DCTN4: variants seen among roughly 807,000 people sequenced by gnomAD.
DCTN4 encodes dynactin 4 (p62).
In DCTN4, 23 loss-of-function variants were observed where a neutral mutation model predicts 62.7. That is an observed-to-expected ratio of 0.37 (90% CI 0.26 to 0.52). The LOEUF (loss-of-function observed/expected upper bound fraction) is 0.52, where lower values mean the gene tolerates loss of function less well. DCTN4 is among the 20% of genes least tolerant of loss of function. DCTN4 has a pLI of 0.92. For missense variants in DCTN4, 514 were observed against 580.4 expected, an observed-to-expected ratio of 0.89 and a Z score of 1.18; for synonymous variants, 199 against 202.1, an observed-to-expected ratio of 0.98 and a Z score of 0.13.
Position 150,730,736 on chromosome 5 carries a change from T to A in DCTN4, c.729A>T (p.Thr243=), listed in dbSNP as rs577651572. The change falls in exon 8 of 13, where the codon ACA becomes ACT. Residue 243 remains threonine, a synonymous_variant. Transcript: ENST00000447998. ...YTRPVNLTEV[T]TLQQRLLQPD... ...GCTGTAACAGACGCTGCTGAAGGGT[T>A]GTTACTAGAAAGAAAGGCAGAAAAC... 2.5e-6 allele frequency: 4 copies of A among 1,613,844 alleles called. No homozygotes were observed. In the South Asian group the frequency reaches 4.4e-5, roughly 18 times the overall value.
intron 3 of DCTN4, among the ~76,000 whole-genome samples, chr5:150,745,735 G>A (rs1455626372): frequency 3.9e-5 from 6 of 152,070 alleles, no homozygotes; most frequent in Non-Finnish European, 5.9e-5. Flanking sequence ...GATGTTCTTT[G>A]AAACCAACGA....
At chr5:150,716,917 CAAA>C (rs111440383) in intron 11 of DCTN4, among the ~76,000 whole-genome samples, 1 of 115,278 alleles carries the variant, frequency 8.7e-6, no homozygotes. Flanking sequence ...GATTCCGTCT[CAAA>C]AAAAAAAAAG....
intron 5 of DCTN4, 95 bp from the exon 6 acceptor site, chr5:150,731,584 CAG>C (rs902744787): frequency 1.0e-6 from 1 of 973,784 alleles, no homozygotes; most frequent in Non-Finnish European, 1.5e-6. Flanking sequence ...ATGAGAAGCT[CAG>C]GGAAATAAGC....
At chr5:150,757,229 GATTAATA>G (rs1262567962) in intron 1 of DCTN4, among the ~76,000 whole-genome samples, 1 of 152,146 alleles carries the variant, frequency 6.6e-6, no homozygotes, top group African/African-American at 2.4e-5. Flanking sequence ...AATTTGAAAA[GATTAATA>G]AAGTTGTTGC....
intron 2 of DCTN4, among the ~76,000 whole-genome samples, chr5:150,753,884 G>A (rs1272653463): frequency 6.6e-6 from 1 of 152,164 alleles, no homozygotes; most frequent in Non-Finnish European, 1.5e-5. Flanking sequence ...ACTCCACAGA[G>A]AGAACCATTG....
chr5:150,756,562 G>A, intron 1 of DCTN4, 75 bp from the exon 2 acceptor site: 1 of 915,610 alleles, frequency 1.1e-6, no homozygotes, highest in African/African-American at 1.7e-5. Flanking sequence ...TTGTCAAATA[G>A]TGAATTTTAA....
intron 1 of DCTN4, chr5:150,758,337 T>G: frequency 1.0e-6 from 1 of 986,388 alleles, no homozygotes; most frequent in Non-Finnish European, 1.2e-6. Context: ...GCTTTTCACA[T>G]AACTCACGCC....
chr5:150,745,127 C>A (rs1760913146), intron 3 of DCTN4, among the ~76,000 whole-genome samples: 1 of 150,350 alleles, frequency 6.7e-6, no homozygotes, highest in African/African-American at 2.5e-5. Flanking sequence ...CAAAAAAAGG[C>A]AGGGGTTGCA....
chr5:150,748,789 G>C (rs1365133224), intron 3 of DCTN4, among the ~76,000 whole-genome samples: 1 of 119,804 alleles, frequency 8.3e-6, no homozygotes, highest in African/African-American at 3.0e-5. Context: ...GACTGTTGTG[G>C]GGTGGGGGGA....
intron 8 of DCTN4, among the ~76,000 whole-genome samples, chr5:150,725,168 A>AG (rs1422149639): frequency 6.6e-6 from 1 of 151,364 alleles, no homozygotes; most frequent in Non-Finnish European, 1.5e-5. Flanking sequence ...AAAAAAAAAA[A>AG]AAAAAAAAAA....
At chr5:150,735,364 A>G (rs1466330449) in intron 4 of DCTN4, among the ~76,000 whole-genome samples, 3 of 152,228 alleles carry the variant, frequency 2.0e-5, no homozygotes, top group African/African-American at 7.2e-5. Flanking sequence ...AGCATTAAAG[A>G]AAACTAGCAT....
chr5:150,711,231 G>A lies in DCTN4; in HGVS notation c.1301C>T (p.Pro434Leu). ...DFKNLAAPIR[P>L]IEESDQGTEV... ...TGTTCCCTGGTCACTTTCTTCAATG[G>A]GGCGAATGGGGGCTGCCAGGTTTTT... Residue 434 changes from proline (P) to leucine (L), a missense_variant, in exon 13 of 13, where the codon CCC becomes CTC. By Grantham distance (98) the Pro-to-Leu change is moderately conservative (BLOSUM62 -3). Coordinates refer to ENST00000447998, the MANE Select transcript of DCTN4 (RefSeq NM_016221.4). 1 of 1,612,970 alleles carries A rather than the reference G, an allele frequency of 6.2e-7. No individual in the cohort carries two copies. Among genetic ancestry groups the A allele is most frequent in the African/African-American group, 1.3e-5 (1 of 74,982 alleles).
At chr5:150,726,857 A>G (rs1760163632) in intron 8 of DCTN4, among the ~76,000 whole-genome samples, 1 of 152,216 alleles carries the variant, frequency 6.6e-6, no homozygotes, top group Non-Finnish European at 1.5e-5. Context: ...TGTCAAAATC[A>G]TGGTTTTGTA....
chr5:150,745,744 G>A (rs1174408365), intron 3 of DCTN4, among the ~76,000 whole-genome samples: 16 of 151,878 alleles, frequency 1.1e-4, no homozygotes, highest in Non-Finnish European at 2.2e-4. Context: ...TGAAACCAAC[G>A]AGAACAAAGA....
At chr5:150,758,710 A>G in intron 1 of DCTN4, 149 bp downstream of exon 1, 2 of 1,357,302 alleles carry the variant, frequency 1.5e-6, no homozygotes, top group Non-Finnish European at 2.0e-6. Flanking sequence ...ACAGATTAGA[A>G]GCAAATTAAA....
intron 4 of DCTN4, chr5:150,733,742 C>T (rs938556557): frequency 6.7e-6 from 2 of 299,098 alleles, no homozygotes; most frequent in Non-Finnish European, 1.3e-5. Flanking sequence ...CTTATTTCCC[C>T]TCACAACTGC....
In DCTN4 at chr5:150,731,066, T is replaced by C; in HGVS notation, c.702A>G (p.Thr234=). ...TACCCTCTGTTAAATTTACTGGTCT[T>C]GTATAATAGTCTTCAGGTAGAGGTT... ...EVEPLPEDYY[T]RPVNLTEVTT... Residue 234 remains threonine, a synonymous_variant, in exon 7 of 13, where the codon ACA becomes ACG. Transcript: ENST00000447998. The C allele has an allele frequency of 6.2e-7, 1 of 1,603,510 alleles. No homozygotes were observed. The highest frequency in any genetic ancestry group is 1.7e-4 in the Middle Eastern group (1 of 6,052).
intron 4 of DCTN4, among the ~76,000 whole-genome samples, chr5:150,741,379 G>A (rs1298044288): frequency 2.0e-5 from 3 of 151,776 alleles, no homozygotes; most frequent in Admixed American, 1.3e-4. Flanking sequence ...GCTTTGATGT[G>A]TATAAAAATA....
At chr5:150,731,788 G>A (rs1297131676) in intron 5 of DCTN4, 22 of 1,119,592 alleles carry the variant, frequency 2.0e-5, no homozygotes, top group Admixed American at 1.2e-4. Flanking sequence ...CAAGAACTAT[G>A]TGGAGTGTCT....
Sources: gnomAD v4.1 joint callset for allele counts (sites outside exome capture counted in the v4.1 genomes callset) on GRCh38, gnomAD v4.1.1 for gene constraint, MANE v1.5 for transcripts, NCBI Gene and HGNC (gene_info 2026-07-23, HGNC 2026-07-21) for gene names.